Variants in ZDHHC14 observed in about 807,000 individuals in gnomAD.
The protein encoded by ZDHHC14 is palmitoyltransferase ZDHHC14.
In ZDHHC14, 16 loss-of-function variants were observed where a neutral mutation model predicts 47.7. The ratio of observed to expected loss-of-function variants is 0.34; its 90% CI spans 0.23 to 0.51. The LOEUF is 0.51. Ranked by LOEUF, ZDHHC14 falls within the 20% of genes least tolerant of loss-of-function variation. The pLI is 0.97. For synonymous variants in ZDHHC14, 293 were observed against 278.9 expected, an observed-to-expected ratio of 1.05 and a Z score of -0.50; for missense variants, 515 against 662.5, an observed-to-expected ratio of 0.78 and a Z score of 2.44.
intron 1 of ZDHHC14, among the ~76,000 whole-genome samples, chr6:157,508,228 G>A (rs1780378978): frequency 6.6e-6 from 1 of 152,208 alleles, no homozygotes; most frequent in East Asian, 1.9e-4. Context: ...GTGGTGGTGA[G>A]TCCTGTTGAT....
chr6:157,586,393 G>A lies in ZDHHC14; in HGVS notation c.407-6595G>A, dbSNP rs931610338. On this transcript the variant is annotated intron_variant, in intron 2 of 8. Transcript: ENST00000359775. The surrounding 1 kb of genome is among the most constrained non-coding windows in gnomAD (Gnocchi z 4.6). ...GAATCCCGAGCAGAGAAAATATCAC[G>A]TGCAAATGCCTGGAAGTAGAAAACA... 6.6e-6 allele frequency among the ~76,000 whole-genome samples: 1 copy of A among 152,168 alleles called. No homozygotes were observed. Among genetic ancestry groups the A allele is most frequent in the Non-Finnish European group, 1.5e-5 (1 of 68,030 alleles).
intron 1 of ZDHHC14, among the ~76,000 whole-genome samples, chr6:157,504,308 C>T (rs555940862): frequency 4.1e-5 from 6 of 148,094 alleles, no homozygotes; most frequent in Non-Finnish European, 8.9e-5. Flanking sequence ...CCCGGGTTCA[C>T]GCCCGGCTAA....
In ZDHHC14 at chr6:157,516,001, C is replaced by T. The variant is rs1378781785; in HGVS notation, c.246-26584C>T. ...GGCGTGAAATAGAACACTACCAGGA[C>T]CCAAGTCCCCTGTGTGCCCTCCTTT... On this transcript the variant is annotated intron_variant, in intron 1 of 8. Transcript: ENST00000359775. Among the ~76,000 whole-genome samples, 3 of 152,124 alleles carry T rather than the reference C, an allele frequency of 2.0e-5. No homozygotes were observed. The East Asian group carries it at 5.8e-4, about 29-fold the overall frequency.
At chr6:157,459,600 G>A (rs1008899097) in intron 1 of ZDHHC14, among the ~76,000 whole-genome samples, 3 of 152,182 alleles carry the variant, frequency 2.0e-5, no homozygotes, top group African/African-American at 7.2e-5. Context: ...AGCAGAGGTA[G>A]CTAGAGAGAG....
At chr6:157,510,375 C>G (rs1236273641) in intron 1 of ZDHHC14, among the ~76,000 whole-genome samples, 3 of 152,176 alleles carry the variant, frequency 2.0e-5, no homozygotes, top group Admixed American at 6.5e-5. Context: ...CTCATTCATC[C>G]TCTCACTGAC....
Position 157,463,212 on chromosome 6 carries a change from T to A in ZDHHC14, c.246-79373T>A, listed in dbSNP as rs1414517254. Among the ~76,000 whole-genome samples the A allele has an allele frequency of 6.6e-6, 1 of 152,130 alleles. No individual in the cohort carries two copies. The highest frequency in any genetic ancestry group is 1.5e-5 in the Non-Finnish European group (1 of 68,016). On this transcript the variant is annotated intron_variant, in intron 1 of 8. Coordinates refer to ENST00000359775, the MANE Select transcript of ZDHHC14 (RefSeq NM_024630.3). The surrounding 1 kb of genome is among the most constrained non-coding windows in gnomAD (Gnocchi z 4.4). ...ACCTGAGAACATAAGAAAATAGAAA[T>A]GTCACAGCCTGTTGTTTCTGTTGTC...
intron 2 of ZDHHC14, among the ~76,000 whole-genome samples, chr6:157,581,184 AAGTCATTC>A (rs1365853375): frequency 8.5e-6 from 1 of 117,904 alleles, no homozygotes; most frequent in Non-Finnish European, 1.7e-5. Flanking sequence ...ATTTACCCCA[AAGTCATTC>A]AGGAACAGGT....
At chr6:157,672,686 T>G in intron 8 of ZDHHC14, 38 bp from the exon 9 acceptor site, 2 of 1,047,926 alleles carry the variant, frequency 1.9e-6, no homozygotes, top group Non-Finnish European at 2.4e-6. Flanking sequence ...TGCCCCCTCC[T>G]CTCCACCTTC....
At chr6:157,455,612 T>C (rs1275763647) in intron 1 of ZDHHC14, among the ~76,000 whole-genome samples, 1 of 152,074 alleles carries the variant, frequency 6.6e-6, no homozygotes, top group Non-Finnish European at 1.5e-5. Flanking sequence ...GAGCTGGGGG[T>C]CCTGTTGAGG....
chr6:157,601,503 A>G (rs1411083869), intron 3 of ZDHHC14, among the ~76,000 whole-genome samples: 1 of 152,234 alleles, frequency 6.6e-6, no homozygotes, highest in East Asian at 1.9e-4. Context: ...CCTAATAAAT[A>G]CATTAAAATA....
chr6:157,663,855 T>A (rs1778443756), intron 8 of ZDHHC14, among the ~76,000 whole-genome samples: 2 of 152,210 alleles, frequency 1.3e-5, no homozygotes, highest in African/African-American at 4.8e-5. Flanking sequence ...TAACTTCTGC[T>A]AACCCCTCAC....
At chr6:157,594,635 T>C (rs908772642) in intron 3 of ZDHHC14, among the ~76,000 whole-genome samples, 3 of 152,202 alleles carry the variant, frequency 2.0e-5, no homozygotes, top group Non-Finnish European at 2.9e-5. Context: ...TTGATTGGCT[T>C]TCTCTGGACA....
At chr6:157,656,626 G>T (rs7739151) in intron 8 of ZDHHC14, among the ~76,000 whole-genome samples, 36,626 of 150,488 alleles carry the variant, frequency 0.24, 5,506 homozygotes, top group East Asian at 0.53. Context: ...ATGAGTCACC[G>T]CGCCCAGCCT....
chr6:157,516,840 G>C (rs939801211), intron 1 of ZDHHC14, among the ~76,000 whole-genome samples: 1 of 152,174 alleles, frequency 6.6e-6, no homozygotes. Flanking sequence ...ACCACACCAG[G>C]TGCAACTGTC....
At chr6:157,539,764 G>A (rs973052157) in intron 1 of ZDHHC14, among the ~76,000 whole-genome samples, 23 of 152,142 alleles carry the variant, frequency 1.5e-4, no homozygotes, top group African/African-American at 3.1e-4. Flanking sequence ...ATTCTCCACC[G>A]TGGAGGGGCC....
intron 4 of ZDHHC14, chr6:157,630,789 C>T (rs529668157): frequency 2.0e-5 from 3 of 146,450 alleles, no homozygotes; most frequent in East Asian, 2.1e-4. Flanking sequence ...ACACACATAC[C>T]CTTACACAGC....
chr6:157,640,157 C>T (rs1777180625), intron 5 of ZDHHC14, among the ~76,000 whole-genome samples: 2 of 152,190 alleles, frequency 1.3e-5, no homozygotes, highest in South Asian at 4.1e-4. Context: ...AGGGGAAGCC[C>T]TGCCTATCAA....
chr6:157,503,887 G>T (rs1780248684), intron 1 of ZDHHC14, among the ~76,000 whole-genome samples: 1 of 152,092 alleles, frequency 6.6e-6, no homozygotes, highest in African/African-American at 2.4e-5. Flanking sequence ...AGTGTAATTT[G>T]GTGCCACCAC....
intron 1 of ZDHHC14, among the ~76,000 whole-genome samples, chr6:157,424,998 A>G (rs1169837858): frequency 2.0e-5 from 3 of 152,164 alleles, no homozygotes; most frequent in African/African-American, 7.2e-5. Flanking sequence ...AAACTCCAAA[A>G]TCAAGAGTGT....
Sources: gnomAD v4.1 joint callset for allele counts (sites outside exome capture counted in the v4.1 genomes callset) on GRCh38, gnomAD v4.1.1 for gene constraint, Gnocchi (gnomAD v3.1) non-coding constraint, MANE v1.5 for transcripts, NCBI Gene and HGNC (gene_info 2026-07-23, HGNC 2026-07-21) for gene names.